The following CLDN16 variants were observed in gnomAD, a reference collection of about 807,000 sequenced individuals.
CLDN16 encodes claudin 16.
In CLDN16, 13 loss-of-function variants were observed where a neutral mutation model predicts 24.6. The ratio of observed to expected loss-of-function variants is 0.53; its 90% CI spans 0.34 to 0.84. The LOEUF (loss-of-function observed/expected upper bound fraction) is 0.84. Among genes scored for constraint, CLDN16 ranks in the 40% least tolerant of loss-of-function variants. The pLI is 0.01. For synonymous variants in CLDN16, 116 were observed against 106.7 expected (o/e 1.09, Z -0.54); for missense variants, 298 against 292.7 (o/e 1.02, Z -0.13).
At chr3:190,355,993 A>C (rs1717762609) in intron 1 of CLDN16, among the ~76,000 whole-genome samples, 1 of 151,718 alleles carries the variant, frequency 6.6e-6, no homozygotes. Context: ...GGGTCACTAA[A>C]AACTGAACTG....
intron 1 of CLDN16, among the ~76,000 whole-genome samples, chr3:190,343,426 A>G (rs1226478305): frequency 1.3e-5 from 2 of 152,158 alleles, no homozygotes; most frequent in African/African-American, 2.4e-5. Context: ...TAGCTACTAT[A>G]TGATCCAGCA....
chr3:190,360,255 T>C lies in CLDN16; in HGVS notation n.122-10638T>C, dbSNP rs9814815. On this transcript the variant is annotated intron_variant and non_coding_transcript_variant, in intron 1 of 4. Transcript: ENST00000468220. Reference sequence around the variant, plus strand: ...GTTTCCAGGGAGGAAAATAGGAACATTTTCTAAGCTTCCGATATTCAGCCC... The same window carrying C: ...GTTTCCAGGGAGGAAAATAGGAACACTTTCTAAGCTTCCGATATTCAGCCC... Among the ~76,000 whole-genome samples, 1,301 of 152,058 alleles carry C rather than the reference T, an allele frequency of 8.6e-3. 17 individuals carry two copies. Among genetic ancestry groups the C allele is most frequent in the African/African-American group, 0.03 (1,232 of 41,538 alleles).
At chr3:190,318,949 TTATAAACAA>T (rs1716841819), upstream of CLDN16, among the ~76,000 whole-genome samples, 1 of 152,142 alleles carries the variant, frequency 6.6e-6, no homozygotes, top group Admixed American at 6.5e-5. Context: ...CTAGAGGAGC[TTATAAACAA>T]ATTACAGAAT....
rs577764879 is a variant in CLDN16 at position 190,334,711 on chromosome 3, C to A, written n.121+12050C>A. 2.6e-5 allele frequency among the ~76,000 whole-genome samples: 4 copies of A among 152,300 alleles called. No homozygotes were observed. In the South Asian group the frequency reaches 8.3e-4, roughly 32 times the overall value. On this transcript the variant is annotated intron_variant and non_coding_transcript_variant, in intron 1 of 4. Transcript: ENST00000468220. Reference sequence around the variant, plus strand: ...TCATCTTCTTTGTTAGGAGGGTAACCCATCTCCCAGGTGCTACAGGTATTG... The same window carrying A: ...TCATCTTCTTTGTTAGGAGGGTAACACATCTCCCAGGTGCTACAGGTATTG...
chr3:190,391,397 G>A (rs1362471158), intron 1 of CLDN16, among the ~76,000 whole-genome samples: 1 of 151,486 alleles, frequency 6.6e-6, no homozygotes, highest in African/African-American at 2.4e-5. Flanking sequence ...ATTTAATGAG[G>A]GGAAAACAAA....
chr3:190,330,251 A>T (rs891981084), intron 1 of CLDN16, among the ~76,000 whole-genome samples: 3 of 152,166 alleles, frequency 2.0e-5, no homozygotes, highest in Non-Finnish European at 4.4e-5. Context: ...CTATTGTTTC[A>T]TTGTGAAATA....
intron 1 of CLDN16, among the ~76,000 whole-genome samples, chr3:190,350,907 C>G (rs1281926797): frequency 6.6e-6 from 1 of 152,026 alleles, no homozygotes; most frequent in Non-Finnish European, 1.5e-5. Flanking sequence ...CTGGGCCAGA[C>G]TTGCATTGTG....
rs1246433837 is a variant in CLDN16 at position 190,410,269 on chromosome 3, T to C, written c.*233T>C. The C allele has an allele frequency of 1.1e-5, 6 of 525,934 alleles. No homozygotes were observed. Among genetic ancestry groups the C allele is most frequent in the Admixed American group, 6.3e-5 (2 of 31,578 alleles). 32.6% of individuals were successfully genotyped at this position (525,934 alleles called of 1,614,324 possible). On this transcript the variant is annotated 3_prime_UTR_variant, in exon 5 of 5. Coordinates refer to ENST00000264734, the MANE Select transcript of CLDN16 (RefSeq NM_006580.4). The stretch of plus-strand genomic sequence containing the variant: ...TTATGCACACACTTTCCCTATATTT[T>C]AAGATAAGTCTGCTAGGATGTAGAA...
At chr3:190,347,265 A>G (rs1440573460) in intron 1 of CLDN16, among the ~76,000 whole-genome samples, 1 of 152,154 alleles carries the variant, frequency 6.6e-6, no homozygotes, top group Non-Finnish European at 1.5e-5. Flanking sequence ...ATTTGTTAAT[A>G]ATTTTGATGT....
intron 1 of CLDN16, among the ~76,000 whole-genome samples, chr3:190,324,796 T>G (rs1401055317): frequency 6.6e-6 from 1 of 152,188 alleles, no homozygotes; most frequent in East Asian, 1.9e-4. Flanking sequence ...GCTCCTAGCT[T>G]AAGTGCAGAG....
chr3:190,314,718 A>G, the CLDN16 span, among the ~76,000 whole-genome samples: 1 of 152,102 alleles, frequency 6.6e-6, no homozygotes, highest in Non-Finnish European at 1.5e-5. Flanking sequence ...TCTCTTTCTA[A>G]AAAGTATCAA....
chr3:190,350,692 T>C (rs1207015376), intron 1 of CLDN16, among the ~76,000 whole-genome samples: 1 of 152,120 alleles, frequency 6.6e-6, no homozygotes, highest in Non-Finnish European at 1.5e-5. Context: ...GCTACTGGCA[T>C]TGAAACCTAT....
At chr3:190,380,261 C>CCTTCCTTCCTTCCTTCCTTCCTTT (rs1560091564) in intron 3 of CLDN16, among the ~76,000 whole-genome samples, 8 of 148,600 alleles carry the variant, frequency 5.4e-5, no homozygotes, top group Non-Finnish European at 8.9e-5. Flanking sequence ...TTCCTTTCTT[C>CCTTCCTTCCTTCCTTCCTTCCTTT]CTTCCTTCCT....
At chr3:190,321,316 C>T (rs533150387), upstream of CLDN16, among the ~76,000 whole-genome samples, 6 of 152,290 alleles carry the variant, frequency 3.9e-5, no homozygotes, top group African/African-American at 1.4e-4. Context: ...CACCGTCAGC[C>T]TCTACAGAAG....
At chr3:190,305,719 A>C in the CLDN16 span, 1 of 152,166 alleles carries the variant, frequency 6.6e-6, no homozygotes, top group Non-Finnish European at 1.5e-5. Context: ...TTTTTAAATT[A>C]AAAAACAATT....
At chr3:190,405,446 A>AG (rs1165356206) in intron 3 of CLDN16, among the ~76,000 whole-genome samples, 2 of 150,810 alleles carry the variant, frequency 1.3e-5, no homozygotes, top group East Asian at 3.9e-4. Flanking sequence ...AAAAAAAAAA[A>AG]AGGAAATAAA....
At chr3:190,302,910 T>TA in the CLDN16 span, among the ~76,000 whole-genome samples, 6 of 151,432 alleles carry the variant, frequency 4.0e-5, no homozygotes, top group African/African-American at 1.5e-4. Flanking sequence ...TGATGCTCTG[T>TA]AAAAAAATAA....
chr3:190,341,472 A>T (rs1009443784), intron 1 of CLDN16, among the ~76,000 whole-genome samples: 4 of 152,166 alleles, frequency 2.6e-5, no homozygotes, highest in African/African-American at 7.2e-5. Context: ...CCATGGCTGG[A>T]GCAGCTGGGA....
chr3:190,388,114 C>T (rs557493885), upstream of CLDN16: 101 of 1,613,560 alleles, frequency 6.3e-5, 1 homozygote, highest in East Asian at 1.9e-3. Flanking sequence ...CTGGTTGCTT[C>T]GGATAATGAC....
Sources: gnomAD v4.1 joint callset for allele counts (sites outside exome capture counted in the v4.1 genomes callset) on GRCh38, gnomAD v4.1.1 for gene constraint, MANE v1.5 for transcripts, NCBI Gene and HGNC (gene_info 2026-07-23, HGNC 2026-07-21) for gene names.